Variants in MAP3K1 observed in about 807,000 individuals in gnomAD.
The protein encoded by MAP3K1 is MAP/ERK kinase kinase 1.
Under a neutral mutation model 144.2 loss-of-function variants are expected in MAP3K1, and 36 were observed. That is an observed-to-expected ratio of 0.25 (90% CI 0.19 to 0.33). The LOEUF (loss-of-function observed/expected upper bound fraction) is 0.33. MAP3K1 is among the 10% of genes least tolerant of loss of function. The pLI, the probability that MAP3K1 is intolerant of heterozygous loss-of-function variation, is 1.00. For missense variants in MAP3K1, 1,650 were observed against 1,881.9 expected (o/e 0.88, Z 2.28); for synonymous variants, 718 against 688.7 (o/e 1.04, Z -0.67).
chr5:56,833,172 G>A (rs863840), intron 1 of MAP3K1, among the ~76,000 whole-genome samples: 2 of 152,112 alleles, frequency 1.3e-5, no homozygotes, highest in Non-Finnish European at 2.9e-5. Flanking sequence ...GCTCTGCCAT[G>A]ATTTTTTTGT....
In MAP3K1 at chr5:56,882,408, A is replaced by G. The variant is rs939345393; in HGVS notation, c.3208A>G (p.Thr1070Ala). The G allele has an allele frequency of 1.9e-6, 3 of 1,614,036 alleles. No homozygotes were observed. In the African/African-American group the frequency reaches 4.0e-5, roughly 22 times the overall value. ...GCCATCTAGACCTACCCCAGGTAATACAAGTAAACAGGGAGATCCCTCAAA... is the reference window on the plus strand; with the variant it reads ...GCCATCTAGACCTACCCCAGGTAATGCAAGTAAACAGGGAGATCCCTCAAA... ...PKPSRPTPGN[T>A]SKQGDPSKNS... Residue 1070 changes from threonine (T) to alanine (A), a missense_variant, in exon 14 of 20, where the codon ACA becomes GCA. Coordinates refer to ENST00000399503, the MANE Select transcript of MAP3K1 (RefSeq NM_005921.2).
intron 1 of MAP3K1, among the ~76,000 whole-genome samples, chr5:56,838,561 T>C (rs1746722613): frequency 6.6e-6 from 1 of 152,248 alleles, no homozygotes; most frequent in African/African-American, 2.4e-5. Flanking sequence ...GTGCCTTCTC[T>C]TTCAAGTGAT....
Position 56,815,893 on chromosome 5 carries a change from C to G in MAP3K1, c.320C>G (p.Pro107Arg). 1 of 1,321,184 alleles carries G rather than the reference C, an allele frequency of 7.6e-7. No individual in the cohort carries two copies. The highest frequency in any genetic ancestry group is 9.7e-7 in the Non-Finnish European group (1 of 1,035,610). The allele number at this position is 1,321,184 out of a possible 1,614,324, so 81.8% of individuals were successfully genotyped here. Residue 107 changes from proline to arginine, a missense_variant, in exon 1 of 20, where the codon CCT becomes CGT. Pro to Arg is a moderately radical substitution (Grantham distance 103). This residue lies in a region of MAP3K1 where 360 missense variants were observed against 274.7 expected (regional missense o/e 1.31). Coordinates refer to ENST00000399503, the MANE Select transcript of MAP3K1 (RefSeq NM_005921.2). ...DAAGSGTGFQ[P>R]VAVPPPHGAA... is the part of the protein sequence containing the mutation. ...GCGGGGAGTGGGACCGGCTTCCAGC[C>G]TGTGGCGGTGCCGCCGCCCCACGGA...
chr5:56,871,069 C>G (rs1283810747), intron 6 of MAP3K1, among the ~76,000 whole-genome samples: 4 of 151,868 alleles, frequency 2.6e-5, no homozygotes, highest in Non-Finnish European at 5.9e-5. Context: ...TAGTATTTTT[C>G]TAACTGATTT....
chr5:56,831,474 C>T (rs1746491316), intron 1 of MAP3K1, among the ~76,000 whole-genome samples: 1 of 152,008 alleles, frequency 6.6e-6, no homozygotes, highest in African/African-American at 2.4e-5. Flanking sequence ...TTTTTTTAAC[C>T]CATGATTTCT....
At chr5:56,824,968 T>G (rs1259842071) in intron 1 of MAP3K1, among the ~76,000 whole-genome samples, 1 of 150,998 alleles carries the variant, frequency 6.6e-6, no homozygotes, top group Non-Finnish European at 1.5e-5. Context: ...TGAGACGGAG[T>G]CTTAAAGATA....
chr5:56,892,141 G>A (rs945735167), intron 19 of MAP3K1, among the ~76,000 whole-genome samples: 43 of 152,158 alleles, frequency 2.8e-4, no homozygotes, highest in Non-Finnish European at 1.2e-4. Flanking sequence ...CCATTTTCAC[G>A]ATATCGATTC....
In MAP3K1 at chr5:56,815,732, G is replaced by A. The variant is rs1745926137; in HGVS notation, c.159G>A (p.Glu53=). The change falls in exon 1 of 20, where the codon GAG becomes GAA. Residue 53 remains glutamate (E), a synonymous_variant. Coordinates refer to ENST00000399503, the MANE Select transcript of MAP3K1 (RefSeq NM_005921.2). ...GGGAGGCGGGCAGCGGGGGCCGCGAGCGGGCGGACTGGCGGCGGCGGCAGC... is the reference window on the plus strand; with the variant it reads ...GGGAGGCGGGCAGCGGGGGCCGCGAACGGGCGGACTGGCGGCGGCGGCAGC... ...LLREAGSGGR[E]RADWRRRQLR... The A allele has an allele frequency of 7.4e-7, 1 of 1,346,292 alleles. No homozygotes were observed. Among genetic ancestry groups the A allele is most frequent in the Non-Finnish European group, 9.5e-7 (1 of 1,047,392 alleles). The allele number at this position is 1,346,292 out of a possible 1,614,324, so 83.4% of individuals were successfully genotyped here.
intron 1 of MAP3K1, among the ~76,000 whole-genome samples, chr5:56,853,985 G>A (rs759042370): frequency 3.3e-5 from 5 of 152,188 alleles, no homozygotes; most frequent in Non-Finnish European, 7.4e-5. Context: ...AAGAAGCCTC[G>A]TTAGGAGCCT....
chr5:56,865,231 A>T, intron 4 of MAP3K1, 109 bp from the exon 5 acceptor site: 1 of 731,594 alleles, frequency 1.4e-6, no homozygotes, highest in Non-Finnish European at 2.4e-6. Context: ...AATATGAATT[A>T]ATAGAAACTT....
chr5:56,864,260 A>G (rs1250512432), intron 3 of MAP3K1, among the ~76,000 whole-genome samples: 1 of 152,200 alleles, frequency 6.6e-6, no homozygotes, highest in Non-Finnish European at 1.5e-5. Context: ...TTCACCTGAG[A>G]TGAGTATGTC....
In MAP3K1 at chr5:56,881,596, C is replaced by T. The variant is rs2111940990; in HGVS notation, c.2396C>T (p.Thr799Ile). ...IRYKKLLSLLTFALQSIDNSH... is the reference protein window; with the variant it reads ...IRYKKLLSLLIFALQSIDNSH... ...TATAAGAAGCTGCTGTCCCTCTTAACCTTTGCTTTGCAGTCCATTGATAAT... is the reference window on the plus strand; with the variant it reads ...TATAAGAAGCTGCTGTCCCTCTTAATCTTTGCTTTGCAGTCCATTGATAAT... The change falls in exon 14 of 20, where the codon ACC (threonine) becomes ATC (isoleucine). Residue 799 changes from threonine (T) to isoleucine (I), a missense_variant. Physicochemically the swap from Thr to Ile is moderately conservative, Grantham distance 89 (BLOSUM62 -1). Coordinates refer to ENST00000399503, the MANE Select transcript of MAP3K1 (RefSeq NM_005921.2). The T allele has an allele frequency of 6.2e-7, 1 of 1,613,648 alleles. No individual in the cohort carries two copies. The highest frequency in any genetic ancestry group is 8.5e-7 in the Non-Finnish European group (1 of 1,179,752).
intron 18 of MAP3K1, 185 bp downstream of exon 18, chr5:56,887,705 ATTC>A: frequency 3.0e-6 from 2 of 656,576 alleles, no homozygotes; most frequent in Admixed American, 2.7e-5. Context: ...CCTTGGCAAT[ATTC>A]AAAAAACAGG....
At chr5:56,859,954 T>G (rs1337030191) in intron 3 of MAP3K1, 39 bp downstream of exon 3, 1 of 1,486,108 alleles carries the variant, frequency 6.7e-7, no homozygotes, top group Admixed American at 1.9e-5. Context: ...GTTTTTATAA[T>G]TTTTAGCTTC....
At chr5:56,856,874 G>T in intron 2 of MAP3K1, 124 bp downstream of exon 2, 1 of 1,017,196 alleles carries the variant, frequency 9.8e-7, no homozygotes, top group African/African-American at 1.6e-5. Context: ...TTCTTTACTT[G>T]ATATTGTGGT....
At chr5:56,819,925 ATTATTTAAGAAC>A (rs1444013831) in intron 1 of MAP3K1, among the ~76,000 whole-genome samples, 2 of 152,232 alleles carry the variant, frequency 1.3e-5, no homozygotes, top group Non-Finnish European at 2.9e-5. Flanking sequence ...TCTTTAAGAA[ATTATTTAAGAAC>A]ATGTTTAATC....
chr5:56,877,656 A>G (rs759302799), intron 10 of MAP3K1, among the ~76,000 whole-genome samples: 1 of 152,044 alleles, frequency 6.6e-6, no homozygotes, highest in Non-Finnish European at 1.5e-5. Flanking sequence ...ATTAATCACA[A>G]TACTGTTTTG....
At chr5:56,887,806 A>G (rs958504134) in intron 18 of MAP3K1, 8 of 478,522 alleles carry the variant, frequency 1.7e-5, no homozygotes, top group African/African-American at 1.2e-4. Flanking sequence ...CAAAGTGCAC[A>G]TAAGAAATTT....
At chr5:56,831,343 G>C (rs1320779075) in intron 1 of MAP3K1, among the ~76,000 whole-genome samples, 1 of 152,080 alleles carries the variant, frequency 6.6e-6, no homozygotes, top group East Asian at 1.9e-4. Flanking sequence ...AGAGCAGGGG[G>C]TAGAAAAGGG....
Sources: allele counts gnomAD v4.1 joint callset (sites outside exome capture counted in the v4.1 genomes callset), GRCh38; gene constraint gnomAD v4.1.1; regional missense constraint gnomAD v4.1.1; transcripts MANE v1.5; gene names NCBI Gene and HGNC (gene_info 2026-07-23, HGNC 2026-07-21).